The following CGNL1 variants were observed in gnomAD, a reference collection of about 807,000 sequenced individuals.
The protein encoded by CGNL1 is cingulin-like protein 1.
CGNL1 carries 132 observed loss-of-function variants against 141.2 expected under a neutral mutation model. That is an observed-to-expected ratio of 0.93 (90% CI 0.81 to 1.08). The LOEUF is 1.08. Among genes scored for constraint, CGNL1 ranks in the 50% least tolerant of loss-of-function variants. CGNL1 has a pLI of 0.00. For missense variants in CGNL1, 1,870 were observed against 1,588.6 expected (o/e 1.18, Z -3.01); for synonymous variants, 690 against 622.1 (o/e 1.11, Z -1.63).
chr15:57,437,574 G>T (rs1349571676), intron 1 of CGNL1, among the ~76,000 whole-genome samples: 1 of 99,768 alleles, frequency 1.0e-5, no homozygotes, highest in African/African-American at 3.6e-5. Flanking sequence ...ACATCCTATT[G>T]GTTAAAAATA....
chr15:57,493,195 C>CAAAT (rs1329203439), intron 8 of CGNL1, among the ~76,000 whole-genome samples: 1 of 152,300 alleles, frequency 6.6e-6, no homozygotes, highest in Non-Finnish European at 1.5e-5. Context: ...TCATATTGAT[C>CAAAT]CTCTTGCCTT....
intron 8 of CGNL1, among the ~76,000 whole-genome samples, chr15:57,470,505 C>T (rs950223735): frequency 6.6e-5 from 10 of 151,930 alleles, no homozygotes; most frequent in East Asian, 3.9e-4. Context: ...GATCTCTTAG[C>T]GGGCCTCCAT....
intron 1 of CGNL1, among the ~76,000 whole-genome samples, chr15:57,397,965 T>C (rs1179943285): frequency 6.6e-6 from 1 of 152,106 alleles, no homozygotes; most frequent in Admixed American, 6.6e-5. Context: ...GTATTTTCAG[T>C]AGAGATGGGG....
chr15:57,443,435 T>A (rs1284005215), intron 4 of CGNL1, among the ~76,000 whole-genome samples: 1 of 152,194 alleles, frequency 6.6e-6, no homozygotes, highest in Non-Finnish European at 1.5e-5. Flanking sequence ...CCAGGGGAGT[T>A]CTGCATGGGA....
At chr15:57,513,253 G>GGTGT (rs369204678) in intron 8 of CGNL1, among the ~76,000 whole-genome samples, 34,716 of 133,424 alleles carry the variant, frequency 0.26, 3,673 homozygotes, top group Non-Finnish European at 0.32. Flanking sequence ...TGTCAATATG[G>GGTGT]GTGTGTGTGT....
chr15:57,474,128 C>A (rs2932193), intron 8 of CGNL1, among the ~76,000 whole-genome samples: 1 of 151,556 alleles, frequency 6.6e-6, no homozygotes, highest in Non-Finnish European at 1.5e-5. Flanking sequence ...CCAGGCTGGT[C>A]TCGAACTCTT....
chr15:57,506,672 A>C (rs757831736), intron 8 of CGNL1, among the ~76,000 whole-genome samples: 1 of 152,194 alleles, frequency 6.6e-6, no homozygotes, highest in Non-Finnish European at 1.5e-5. Context: ...AGCAACTAGC[A>C]GAGGTCACAA....
chr15:57,504,168 C>T (rs908350213), intron 8 of CGNL1, among the ~76,000 whole-genome samples: 1 of 152,188 alleles, frequency 6.6e-6, no homozygotes, highest in Admixed American at 6.5e-5. Context: ...CCTGTCTACT[C>T]AGTGCACAGT....
intron 1 of CGNL1, among the ~76,000 whole-genome samples, chr15:57,426,207 T>C (rs2062971936): frequency 6.6e-6 from 1 of 152,102 alleles, no homozygotes; most frequent in Admixed American, 6.6e-5. Context: ...TACAGGGGCA[T>C]GATCTCGGCT....
chr15:57,393,113 C>T (rs1254394305), intron 1 of CGNL1, among the ~76,000 whole-genome samples: 3 of 152,212 alleles, frequency 2.0e-5, no homozygotes, highest in African/African-American at 7.2e-5. Flanking sequence ...ACTACCCTTA[C>T]ATTGTGCCAT....
chr15:57,487,619 A>G (rs1403300034), intron 8 of CGNL1, among the ~76,000 whole-genome samples: 1 of 152,228 alleles, frequency 6.6e-6, no homozygotes, highest in Non-Finnish European at 1.5e-5. Flanking sequence ...AAAAAGATCC[A>G]TGTTGAGGCA....
chr15:57,517,027 G>T (rs1156327859), intron 9 of CGNL1, 41 bp downstream of exon 9: 1 of 1,569,626 alleles, frequency 6.4e-7, no homozygotes, highest in Non-Finnish European at 8.7e-7. Context: ...GGCAGCTGCT[G>T]CTCCTTCTTT....
At chr15:57,530,139 A>G (rs2031869222) in intron 13 of CGNL1, among the ~76,000 whole-genome samples, 1 of 152,088 alleles carries the variant, frequency 6.6e-6, no homozygotes. Context: ...CACCCTTAAC[A>G]CTCCTGCTGG....
chr15:57,419,174 C>A (rs907673325), intron 1 of CGNL1, among the ~76,000 whole-genome samples: 1 of 152,172 alleles, frequency 6.6e-6, no homozygotes, highest in African/African-American at 2.4e-5. Flanking sequence ...TTGTGATCCA[C>A]CTGCCTCGGC....
intron 6 of CGNL1, 45 bp from the exon 7 acceptor site, chr15:57,453,638 G>A: frequency 1.2e-6 from 2 of 1,608,774 alleles, no homozygotes; most frequent in Non-Finnish European, 1.7e-6. Context: ...ATGGAAATAA[G>A]CAGAGCCCAG....
intron 8 of CGNL1, among the ~76,000 whole-genome samples, chr15:57,496,417 C>A (rs1384820419): frequency 6.6e-6 from 1 of 152,014 alleles, no homozygotes; most frequent in Non-Finnish European, 1.5e-5. Flanking sequence ...ACTGTGCATG[C>A]GAGGGATCTA....
rs565738461 is a variant in CGNL1, at chr15:57,430,881, C to T, written c.-15-7104C>T. On this transcript the variant is annotated intron_variant, in intron 1 of 18. Coordinates refer to ENST00000281282, the MANE Select transcript of CGNL1 (RefSeq NM_032866.5). The stretch of plus-strand genomic sequence containing the variant: ...GATTATAGGTGACCGCCACCATGGC[C>T]GGCTCATGTTTTATATTTTTAGTAA... 6.8e-4 allele frequency among the ~76,000 whole-genome samples: 103 copies of T among 152,186 alleles called. 1 individual carries two copies. The highest frequency in any genetic ancestry group is 5.9e-3 in the Admixed American group (90 of 15,290).
rs1469332699 is a variant in CGNL1, at chr15:57,548,742, G to A, written c.*1252G>A. The A allele has an allele frequency of 3.3e-5, 5 of 152,272 alleles. No homozygotes were observed. The highest frequency in any genetic ancestry group is 9.6e-5 in the African/African-American group (4 of 41,540). The allele number at this position is 152,272 out of a possible 1,614,324, so 9.4% of individuals were successfully genotyped here. On this transcript the variant is annotated 3_prime_UTR_variant, in exon 19 of 19. Transcript: ENST00000281282. ...TGTCCCACAGCAAGCTTTTGGGATC[G>A]GGGGAATAAGAGGGTATGGGGGAAA...
intron 14 of CGNL1, among the ~76,000 whole-genome samples, chr15:57,537,119 G>A (rs1245167651): frequency 6.6e-6 from 1 of 152,232 alleles, no homozygotes; most frequent in African/African-American, 2.4e-5. Flanking sequence ...GCAGAGCTGG[G>A]CCTACATGGG....
Sources: allele counts gnomAD v4.1 joint callset (sites outside exome capture counted in the v4.1 genomes callset), GRCh38; gene constraint gnomAD v4.1.1; transcripts MANE v1.5; gene names NCBI Gene and HGNC (gene_info 2026-07-23, HGNC 2026-07-21).